The following TTC7A variants were observed in gnomAD, a reference collection of about 807,000 sequenced individuals.
TTC7A encodes tetratricopeptide repeat protein 7A.
TTC7A carries 110 observed loss-of-function variants against 103.7 expected under a neutral mutation model. The ratio of observed to expected loss-of-function variants is 1.06; its 90% CI spans 0.91 to 1.24. TTC7A has a LOEUF of 1.24. Ranked by LOEUF, TTC7A falls within the 50% of genes most tolerant of loss-of-function variation. The probability of loss-of-function intolerance (pLI) is 0.00; values close to 1 mark genes in which losing one functional copy is unlikely to be tolerated. For missense variants in TTC7A, 1,340 were observed against 1,116.3 expected (o/e 1.20, Z -2.86); for synonymous variants, 521 against 467.9 (o/e 1.11, Z -1.47).
Position 46,922,163 on chromosome 2 carries a change from T to G in TTC7A, c.82+4886T>G, listed in dbSNP as rs114839774. Among the ~76,000 whole-genome samples, 750 of 152,216 alleles carry G rather than the reference T, an allele frequency of 4.9e-3. 6 individuals carry two copies. Among genetic ancestry groups the G allele is most frequent in the African/African-American group, 0.017 (718 of 41,564 alleles). ...GTCATCAAACAACAACTTTAGTTAC[T>G]TATAGATTCTGATGACCTGGAGATT... On this transcript the variant is annotated intron_variant, in intron 2 of 20. Transcript: ENST00000409245.
At chr2:46,955,184 G>A (rs6732744) in intron 2 of TTC7A, among the ~76,000 whole-genome samples, 3,239 of 151,322 alleles carry the variant, frequency 0.021, 142 homozygotes, top group African/African-American at 0.075. Context: ...AGGAGTAGGT[G>A]TTATTATCTC....
chr2:46,938,077 T>C (rs889501184), upstream of TTC7A, among the ~76,000 whole-genome samples: 1 of 152,114 alleles, frequency 6.6e-6, no homozygotes, highest in Non-Finnish European at 1.5e-5. Context: ...AGGGGATTTA[T>C]TATGCAAACA....
At chr2:47,032,228 T>C (rs915648033) in intron 15 of TTC7A, among the ~76,000 whole-genome samples, 2 of 152,156 alleles carry the variant, frequency 1.3e-5, no homozygotes, top group African/African-American at 4.8e-5. Flanking sequence ...CTATGACATT[T>C]TGTGCATGTG....
chr2:46,985,681 GGTCT>G (rs1674943281), intron 5 of TTC7A, among the ~76,000 whole-genome samples: 1 of 152,076 alleles, frequency 6.6e-6, no homozygotes, highest in African/African-American at 2.4e-5. Context: ...GCTGAAGCTG[GGTCT>G]GTCCAGCCCA....
At chr2:47,015,064 G>C (rs762915918) in intron 11 of TTC7A, among the ~76,000 whole-genome samples, 7 of 152,214 alleles carry the variant, frequency 4.6e-5, no homozygotes, top group Non-Finnish European at 8.8e-5. Context: ...TTTGGAATGG[G>C]AGAGCACTGA....
intron 8 of TTC7A, among the ~76,000 whole-genome samples, chr2:46,997,899 C>T (rs181232302): frequency 9.2e-5 from 14 of 152,254 alleles, no homozygotes; most frequent in Admixed American, 4.6e-4. Context: ...GCTGTCCACC[C>T]ACCCCCAAAC....
chr2:47,036,338 T>G (rs1681105322), intron 15 of TTC7A, among the ~76,000 whole-genome samples: 1 of 152,180 alleles, frequency 6.6e-6, no homozygotes, highest in Admixed American at 6.5e-5. Flanking sequence ...AGCTTCAAAG[T>G]GAGATCACGT....
intron 15 of TTC7A, among the ~76,000 whole-genome samples, chr2:47,042,908 A>G (rs931021534): frequency 6.6e-6 from 1 of 152,166 alleles, no homozygotes; most frequent in Non-Finnish European, 1.5e-5. Context: ...AGGGGAGCCT[A>G]GGCTTGCCTA....
intron 18 of TTC7A, among the ~76,000 whole-genome samples, chr2:47,059,785 C>T (rs182717416): frequency 2.6e-5 from 4 of 152,296 alleles, no homozygotes; most frequent in African/African-American, 9.6e-5. Context: ...CCTGTCTTCA[C>T]CACTTACTCC....
chr2:46,984,279 C>G (rs1480461881), intron 5 of TTC7A, among the ~76,000 whole-genome samples: 1 of 152,248 alleles, frequency 6.6e-6, no homozygotes, highest in Non-Finnish European at 1.5e-5. Context: ...TGCTCACGCC[C>G]TGCAGGTGCT....
At chr2:46,917,289 C>T in intron 2 of TTC7A, 1 of 662,104 alleles carries the variant, frequency 1.5e-6, no homozygotes, top group Non-Finnish European at 2.7e-6. Context: ...TGAGCCACCG[C>T]GCCGGGACAA....
At chr2:46,989,983 C>T (rs574535821) in intron 5 of TTC7A, among the ~76,000 whole-genome samples, 11 of 152,222 alleles carry the variant, frequency 7.2e-5, no homozygotes, top group Middle Eastern at 3.4e-3. Context: ...ACAGTCCTTG[C>T]GGTGGAGTGG....
Position 46,956,624 on chromosome 2 carries a change from C to G in TTC7A, c.349-215C>G, listed in dbSNP as rs568453603. 1.7e-4 allele frequency: 100 copies of G among 582,186 alleles called. 1 individual carries two copies. Among genetic ancestry groups the G allele is most frequent in the Non-Finnish European group, 5.8e-5 (19 of 326,324 alleles). 36.1% of individuals were successfully genotyped at this position (582,186 alleles called of 1,614,324 possible). A position where few individuals can be genotyped will look rare whatever the true frequency, so the allele number is the denominator to read the frequency against. On this transcript the variant is annotated intron_variant, in intron 2 of 19. Coordinates refer to ENST00000319190, the MANE Select transcript of TTC7A (RefSeq NM_020458.4). The stretch of plus-strand genomic sequence containing the variant: ...CACACACATGAAACAATTAGGGACT[C>G]ATAGGAGAATTTTATTGAGAACCAC...
intron 4 of TTC7A, among the ~76,000 whole-genome samples, chr2:46,975,586 G>A (rs1673798920): frequency 6.6e-6 from 1 of 152,024 alleles, no homozygotes; most frequent in Admixed American, 6.5e-5. Flanking sequence ...CACTCCCTGT[G>A]GTGGGTCTGG....
intron 3 of TTC7A, among the ~76,000 whole-genome samples, chr2:46,966,031 C>T (rs1216429337): frequency 3.3e-5 from 5 of 152,092 alleles, no homozygotes; most frequent in South Asian, 2.1e-4. Flanking sequence ...CTCACCGCAA[C>T]CTCCACCTCC....
intron 10 of TTC7A, among the ~76,000 whole-genome samples, chr2:47,009,231 C>T (rs1207771046): frequency 6.6e-6 from 1 of 152,124 alleles, no homozygotes; most frequent in African/African-American, 2.4e-5. Flanking sequence ...TCTGGGCACC[C>T]TGTGGAGTCT....
Position 46,957,024 on chromosome 2 carries a change from G to T in TTC7A, c.517+17G>T, listed in dbSNP as rs773697054. The T allele has an allele frequency of 6.2e-7, 1 of 1,614,022 alleles. No individual in the cohort carries two copies. Among genetic ancestry groups the T allele is most frequent in the Non-Finnish European group, 8.5e-7 (1 of 1,179,926 alleles). ...TCATCAAAGGTAGCTGTGGGCACCA[G>T]CCTGGGCTCCCCTCCACTGTGTGCA... is the stretch of plus-strand genomic sequence containing the variant. On this transcript the variant is annotated intron_variant, in intron 3 of 19. Transcript: ENST00000319190.
intron 8 of TTC7A, among the ~76,000 whole-genome samples, chr2:46,996,370 T>C (rs569323366): frequency 6.6e-6 from 1 of 152,266 alleles, no homozygotes; most frequent in South Asian, 2.1e-4. Context: ...CTGAGAGCAG[T>C]GTATGGATAT....
Position 46,973,282 on chromosome 2 carries a change from T to C in TTC7A, c.518-1691T>C, listed in dbSNP as rs572783096. ...ATGGAGGAGATAAGAGTATGGACTA[T>C]CTGGCTGGCTTTTGCAGCACAGCCA... On this transcript the variant is annotated intron_variant, in intron 3 of 19. Coordinates refer to ENST00000319190, the MANE Select transcript of TTC7A (RefSeq NM_020458.4). 3.9e-5 allele frequency among the ~76,000 whole-genome samples: 6 copies of C among 152,188 alleles called. 1 individual carries two copies. The highest frequency in any genetic ancestry group is 7.3e-5 in the Non-Finnish European group (5 of 68,028).
Sources: gnomAD v4.1 joint callset for allele counts (sites outside exome capture counted in the v4.1 genomes callset) on GRCh38, gnomAD v4.1.1 for gene constraint, MANE v1.5 for transcripts, NCBI Gene and HGNC (gene_info 2026-07-23, HGNC 2026-07-21) for gene names.